The following ABI2 variants were observed in gnomAD, a reference collection of about 807,000 sequenced individuals.
The protein encoded by ABI2 is abelson interactor 2.
ABI2 carries 25 observed loss-of-function variants against 59.2 expected under a neutral mutation model. The observed-to-expected ratio is 0.42, with a 90% CI of 0.31 to 0.59. The LOEUF (loss-of-function observed/expected upper bound fraction) is 0.59. Among genes scored for constraint, ABI2 ranks in the 20% least tolerant of loss-of-function variants. The probability of loss-of-function intolerance (pLI) is 0.14; values close to 1 mark genes in which losing one functional copy is unlikely to be tolerated. For synonymous variants in ABI2, 213 were observed against 235.5 expected (o/e 0.90, Z 0.87); for missense variants, 545 against 681.8 (o/e 0.80, Z 2.23).
chr2:203,412,829 G>A (rs1159639018), intron 10 of ABI2, among the ~76,000 whole-genome samples: 1 of 152,184 alleles, frequency 6.6e-6, no homozygotes, highest in African/African-American at 2.4e-5. Context: ...TTTAAAAAAT[G>A]TCTGCTGCAT....
chr2:203,373,558 CT>C (rs1186036244), intron 2 of ABI2, among the ~76,000 whole-genome samples: 2 of 152,080 alleles, frequency 1.3e-5, no homozygotes, highest in Non-Finnish European at 2.9e-5. Context: ...CGAGGCCCAT[CT>C]TTTTTCTTTG....
intron 9 of ABI2, 57 bp from the exon 10 acceptor site, chr2:203,411,228 C>A: frequency 7.9e-7 from 1 of 1,273,734 alleles, no homozygotes; most frequent in South Asian, 1.2e-5. Flanking sequence ...ATTATCCTTT[C>A]CTTTTAATGT....
At chr2:203,370,238 ATGTG>A (rs1320177919) in intron 2 of ABI2, among the ~76,000 whole-genome samples, 1 of 110,466 alleles carries the variant, frequency 9.1e-6, no homozygotes, top group Admixed American at 9.1e-5. Context: ...TTCTGTGTGT[ATGTG>A]TGTGTGTGTA....
intron 2 of ABI2, among the ~76,000 whole-genome samples, chr2:203,373,695 C>T (rs143221506): frequency 7.4e-4 from 113 of 152,260 alleles, no homozygotes; most frequent in African/African-American, 2.3e-3. Context: ...TTCCCAAGGG[C>T]TGAGTAGGAC....
chr2:203,379,428 G>A (rs533313056), intron 2 of ABI2, among the ~76,000 whole-genome samples: 55 of 152,124 alleles, frequency 3.6e-4, no homozygotes, highest in South Asian at 1.2e-3. Flanking sequence ...TTGTAGAGAC[G>A]GGGTTTCGCC....
intron 4 of ABI2, among the ~76,000 whole-genome samples, chr2:203,383,980 CAT>C (rs1317013091): frequency 1.3e-5 from 2 of 152,118 alleles, no homozygotes; most frequent in Non-Finnish European, 2.9e-5. Context: ...TAGGACCAGA[CAT>C]GTGGGATTTG....
At chr2:203,421,339 C>T (rs2098195746) in intron 11 of ABI2, among the ~76,000 whole-genome samples, 1 of 152,128 alleles carries the variant, frequency 6.6e-6, no homozygotes, top group Non-Finnish European at 1.5e-5. Context: ...CTGCACTTTT[C>T]AAAGTTATTT....
chr2:203,329,763 A>T (rs1354225159), intron 1 of ABI2, among the ~76,000 whole-genome samples: 1 of 150,760 alleles, frequency 6.6e-6, no homozygotes, highest in South Asian at 2.1e-4. Flanking sequence ...TTGAGACACA[A>T]CCTCGTTCTG....
chr2:203,332,388 A>G (rs959663774), intron 1 of ABI2, among the ~76,000 whole-genome samples: 4 of 152,108 alleles, frequency 2.6e-5, no homozygotes, highest in Admixed American at 6.5e-5. Flanking sequence ...GCACTTTGGG[A>G]GGCCGAGGCA....
chr2:203,338,703 G>C (rs965556708), intron 1 of ABI2, among the ~76,000 whole-genome samples: 2 of 151,334 alleles, frequency 1.3e-5, no homozygotes, highest in East Asian at 3.9e-4. Flanking sequence ...AGAAAACATA[G>C]GGGAAAAAGC....
rs915348111 is a variant in ABI2, at chr2:203,429,066, A to T, written c.*1714A>T. On this transcript the variant is annotated 3_prime_UTR_variant, in exon 12 of 12. Coordinates refer to ENST00000261018, the MANE Select transcript of ABI2 (RefSeq NM_001375670.1). The stretch of plus-strand genomic sequence containing the variant: ...GCATTTAACTGAGACCCCACTATAG[A>T]GTTTCCTTATCAAGACTTTTTGGTT... 1 of 152,216 alleles carries T rather than the reference A, an allele frequency of 6.6e-6. No individual in the cohort carries two copies. Among genetic ancestry groups the T allele is most frequent in the Non-Finnish European group, 1.5e-5 (1 of 68,046 alleles). 9.4% of individuals were successfully genotyped at this position (152,216 alleles called of 1,614,324 possible).
intron 10 of ABI2, among the ~76,000 whole-genome samples, chr2:203,414,302 A>C (rs2097797057): frequency 6.6e-6 from 1 of 151,962 alleles, no homozygotes; most frequent in South Asian, 2.1e-4. Flanking sequence ...GGGTTTCGCC[A>C]TATTGGCCAG....
At chr2:203,362,918 C>T (rs868867743) in intron 1 of ABI2, among the ~76,000 whole-genome samples, 56 of 152,024 alleles carry the variant, frequency 3.7e-4, no homozygotes, top group African/African-American at 1.3e-3. Flanking sequence ...TGCAGCCTCA[C>T]CTCCTGAGTT....
intron 1 of ABI2, among the ~76,000 whole-genome samples, chr2:203,335,051 T>TGG: frequency 6.6e-6 from 1 of 152,278 alleles, no homozygotes; most frequent in East Asian, 1.9e-4. Context: ...CAACACATTC[T>TGG]ATTTTGGATT....
intron 1 of ABI2, among the ~76,000 whole-genome samples, chr2:203,358,696 A>G (rs919045187): frequency 1.3e-5 from 2 of 152,150 alleles, no homozygotes; most frequent in South Asian, 2.1e-4. Context: ...AGACAAAAGC[A>G]TTCTCTCTTT....
At chr2:203,371,362 C>G (rs951330761) in intron 2 of ABI2, among the ~76,000 whole-genome samples, 8 of 152,184 alleles carry the variant, frequency 5.3e-5, no homozygotes, top group Admixed American at 1.3e-4. Context: ...ATAACCCACT[C>G]TTTCTAAATG....
Position 203,369,670 on chromosome 2 carries a change from C to G in ABI2, c.285+2626C>G, listed in dbSNP as rs150372467. Among the ~76,000 whole-genome samples, 3 of 152,208 alleles carry G rather than the reference C, an allele frequency of 2.0e-5. No individual in the cohort carries two copies. In the East Asian group the frequency reaches 5.8e-4, roughly 29 times the overall value. On this transcript the variant is annotated intron_variant, in intron 2 of 11. Coordinates refer to ENST00000261018, the MANE Select transcript of ABI2 (RefSeq NM_001375670.1). ...ATTAATAAACTGGAAATTACAGAGG[C>G]CTCAGTCAAAGCTGTCAGGAATACG...
chr2:203,395,351 G>C (rs935140854), intron 6 of ABI2, among the ~76,000 whole-genome samples: 4 of 150,652 alleles, frequency 2.7e-5, no homozygotes, highest in Non-Finnish European at 5.9e-5. Context: ...TTTATCACTT[G>C]TATTTATGGA....
chr2:203,361,357 G>T (rs2093476165), intron 1 of ABI2, among the ~76,000 whole-genome samples: 1 of 152,204 alleles, frequency 6.6e-6, no homozygotes, highest in South Asian at 2.1e-4. Context: ...TGTTTGGCTT[G>T]GTGTGGTAGT....
Sources: gnomAD v4.1 joint callset for allele counts (sites outside exome capture counted in the v4.1 genomes callset) on GRCh38, gnomAD v4.1.1 for gene constraint, MANE v1.5 for transcripts, NCBI Gene and HGNC (gene_info 2026-07-23, HGNC 2026-07-21) for gene names.